MYH10: variants seen among roughly 807,000 people sequenced by gnomAD.
MYH10 encodes myosin-10.
In MYH10, 55 loss-of-function variants were observed where a neutral mutation model predicts 257.8. The observed-to-expected ratio is 0.21, with a 90% CI of 0.17 to 0.27. The LOEUF (loss-of-function observed/expected upper bound fraction) is 0.27. Ranked by LOEUF, MYH10 falls within the 10% of genes least tolerant of loss-of-function variation. The pLI is 1.00. For synonymous variants in MYH10, 854 were observed against 921.7 expected, an observed-to-expected ratio of 0.93 and a Z score of 1.33; for missense variants, 1,631 against 2,500.6, an observed-to-expected ratio of 0.65 and a Z score of 7.42.
intron 6 of MYH10, chr17:8,573,825 G>T: frequency 1.0e-6 from 1 of 974,140 alleles, no homozygotes; most frequent in Non-Finnish European, 1.2e-6. Context: ...TGAAAATGAA[G>T]ATGAAATTTA....
rs80073016 is a variant in MYH10 at position 8,496,636 on chromosome 17, T to G, written c.3952-1395A>C. Among the ~76,000 whole-genome samples, 294 of 152,318 alleles carry G rather than the reference T, an allele frequency of 1.9e-3. 5 individuals carry two copies. In the East Asian group the frequency reaches 0.04, roughly 21 times the overall value. Reference sequence around the variant, plus strand: ...GCCGTAGGCAGAGTTCATAATGCTGTTTCAGAGATTTTCTCTTTTAGGAAT... The same window carrying G: ...GCCGTAGGCAGAGTTCATAATGCTGGTTCAGAGATTTTCTCTTTTAGGAAT... On this transcript the variant is annotated intron_variant, in intron 30 of 42. Coordinates refer to ENST00000360416, the MANE Select transcript of MYH10 (RefSeq NM_001256012.3).
intron 21 of MYH10, among the ~76,000 whole-genome samples, chr17:8,515,494 T>C (rs1394509421): frequency 6.7e-6 from 1 of 150,068 alleles, no homozygotes; most frequent in Non-Finnish European, 1.5e-5. Flanking sequence ...TACAAAACCT[T>C]CTAACTTATT....
chr17:8,478,954 A>G (rs866385283), intron 40 of MYH10, among the ~76,000 whole-genome samples: 31 of 151,996 alleles, frequency 2.0e-4, no homozygotes, highest in African/African-American at 7.3e-4. Context: ...CTGGTCTCGA[A>G]CTCCTCACCT....
chr17:8,547,341 G>T (rs1597795973), intron 11 of MYH10, among the ~76,000 whole-genome samples: 1 of 151,976 alleles, frequency 6.6e-6, no homozygotes, highest in Non-Finnish European at 1.5e-5. Flanking sequence ...TTTAACCATG[G>T]AAAAGCCATA....
At chr17:8,476,645 TGTG>T (rs1912676887) in intron 42 of MYH10, among the ~76,000 whole-genome samples, 1 of 152,162 alleles carries the variant, frequency 6.6e-6, no homozygotes, top group Non-Finnish European at 1.5e-5. Flanking sequence ...TCCAGCCTGG[TGTG>T]GTGGATTAGT....
chr17:8,619,394 A>G (rs193146686), intron 2 of MYH10, among the ~76,000 whole-genome samples: 108 of 152,312 alleles, frequency 7.1e-4, no homozygotes, highest in Non-Finnish European at 1.2e-3. Flanking sequence ...AAATATCAAC[A>G]GTAAAAAGGG....
At chr17:8,493,301 G>A (rs972098614) in intron 32 of MYH10, among the ~76,000 whole-genome samples, 2 of 150,306 alleles carry the variant, frequency 1.3e-5, no homozygotes, top group Admixed American at 6.6e-5. Context: ...CTGAGATCAC[G>A]CCACTGCACT....
chr17:8,535,485 T>C lies in MYH10; in HGVS notation c.1796A>G (p.Asp599Gly). 1.2e-6 allele frequency: 2 copies of C among 1,613,814 alleles called. No individual in the cohort carries two copies. Among genetic ancestry groups the C allele is most frequent in the South Asian group, 1.1e-5 (1 of 91,028 alleles). Reference protein sequence around the residue: ...HYAGKVDYKADEWLMKNMDPL... With the variant: ...HYAGKVDYKAGEWLMKNMDPL... ...GTCCATATTCTTCATCAGCCACTCA[T>C]CTGCCTTATAGTCCACCTATCCCGC... Residue 599 changes from aspartate to glycine, a missense_variant, in exon 16 of 43, where the codon GAT (aspartate) becomes GGT (glycine). By Grantham distance (94) the Asp-to-Gly change is moderately conservative. Coordinates refer to ENST00000360416, the MANE Select transcript of MYH10 (RefSeq NM_001256012.3). This position sits in a 1 kb window ranked among gnomAD's most constrained non-coding sequence, Gnocchi z 4.3.
intron 14 of MYH10, among the ~76,000 whole-genome samples, chr17:8,540,013 A>C (rs116644431): frequency 2.4e-4 from 37 of 152,326 alleles, no homozygotes; most frequent in African/African-American, 8.2e-4. Context: ...GTTTGGAAAC[A>C]GGGTCTCACG....
intron 42 of MYH10, 152 bp downstream of exon 42, chr17:8,476,724 T>C (rs1912699418): frequency 4.5e-6 from 4 of 898,752 alleles, no homozygotes; most frequent in South Asian, 3.5e-5. Context: ...AGGACGACTA[T>C]AAAGGTCAGA....
In MYH10 at chr17:8,501,506, A is replaced by G. The variant is rs530407021; in HGVS notation, c.3600-536T>C. On this transcript the variant is annotated intron_variant, in intron 28 of 42. Transcript: ENST00000360416. ...AAAGGGAGTCTCCCAGAGATTTTCA[A>G]AAGTGAAGGGGTGACAAAGGCCAAA... Among the ~76,000 whole-genome samples the G allele has an allele frequency of 4.6e-5, 7 of 152,336 alleles. No individual in the cohort carries two copies. The East Asian group carries it at 1.2e-3, about 25-fold the overall frequency.
intron 4 of MYH10, among the ~76,000 whole-genome samples, chr17:8,587,542 T>C (rs2083955178): frequency 6.6e-6 from 1 of 152,142 alleles, no homozygotes; most frequent in Non-Finnish European, 1.5e-5. Flanking sequence ...CTTACCCGCA[T>C]TGGTACTCAT....
Position 8,553,740 on chromosome 17 carries a change from C to T in MYH10, c.820+215G>A, listed in dbSNP as rs192123148. Among the ~76,000 whole-genome samples the T allele has an allele frequency of 2.6e-5, 4 of 152,298 alleles. No homozygotes were observed. The East Asian group carries it at 7.7e-4, about 29-fold the overall frequency. On this transcript the variant is annotated intron_variant, in intron 8 of 42. Coordinates refer to ENST00000360416, the MANE Select transcript of MYH10 (RefSeq NM_001256012.3). ...AACACTGTGGCACTCTCCACTTCCCCAGCCATGTGAATAAGTTATGGCCTG... is the reference window on the plus strand; with the variant it reads ...AACACTGTGGCACTCTCCACTTCCCTAGCCATGTGAATAAGTTATGGCCTG...
rs768213445 is a variant in MYH10 at position 8,493,623 on chromosome 17, C to A, written c.4209+110G>T. The A allele has an allele frequency of 4.8e-6, 6 of 1,259,708 alleles. No homozygotes were observed. In the South Asian group the frequency reaches 6.5e-5, roughly 14 times the overall value. The allele number at this position is 1,259,708 out of a possible 1,614,324, so 78.0% of individuals were successfully genotyped here. ...ACCATTTAATGGGCTTAATTTAGTA[C>A]GACCTAATTAACTGTCCCAAATGGA... On this transcript the variant is annotated intron_variant, in intron 32 of 42. Coordinates refer to ENST00000360416, the MANE Select transcript of MYH10 (RefSeq NM_001256012.3).
chr17:8,569,358 G>A lies in MYH10; in HGVS notation c.756+362C>T, dbSNP rs1367294241. ...TTGAATGTTTACTATGCATAGTGCCGGGCTAAGTGCTCAGCGTGCACACCA... is the reference window on the plus strand; with the variant it reads ...TTGAATGTTTACTATGCATAGTGCCAGGCTAAGTGCTCAGCGTGCACACCA... On this transcript the variant is annotated intron_variant, in intron 7 of 42. Transcript: ENST00000360416. The surrounding 1 kb of genome is among the most constrained non-coding windows in gnomAD (Gnocchi z 4.1). Among the ~76,000 whole-genome samples, 2 of 152,114 alleles carry A rather than the reference G, an allele frequency of 1.3e-5. No individual in the cohort carries two copies. The highest frequency in any genetic ancestry group is 2.9e-5 in the Non-Finnish European group (2 of 68,018).
intron 14 of MYH10, among the ~76,000 whole-genome samples, chr17:8,536,813 A>G (rs528166669): frequency 1.3e-5 from 2 of 150,904 alleles, no homozygotes; most frequent in South Asian, 4.2e-4. Flanking sequence ...AAAAAAAAAA[A>G]GCGCTAGATG....
rs1328337648 is a variant in MYH10 at position 8,490,951 on chromosome 17, A to T, written c.4672-399T>A. Among the ~76,000 whole-genome samples the T allele has an allele frequency of 6.6e-6, 1 of 152,244 alleles. No homozygotes were observed. The highest frequency in any genetic ancestry group is 1.5e-5 in the Non-Finnish European group (1 of 68,030). On this transcript the variant is annotated intron_variant, in intron 34 of 42. Transcript: ENST00000360416. This position sits in a 1 kb window ranked among gnomAD's most constrained non-coding sequence, Gnocchi z 4.1. ...ATCTCTTCTTGCTGTAGAGAAGATC[A>T]TTCGTATTGAAAAGCACATGTGGAA...
intron 9 of MYH10, 129 bp from the exon 10 acceptor site, chr17:8,548,916 G>GC: frequency 1.5e-6 from 1 of 658,338 alleles, no homozygotes. Flanking sequence ...CCAGCAAAAT[G>GC]TTTTTTTTCT....
chr17:8,603,197 C>T (rs2084675536), intron 3 of MYH10, among the ~76,000 whole-genome samples: 1 of 152,184 alleles, frequency 6.6e-6, no homozygotes, highest in Admixed American at 6.5e-5. Context: ...ATCATTATCC[C>T]TCCCAGTTTC....
Sources: gnomAD v4.1 joint callset for allele counts (sites outside exome capture counted in the v4.1 genomes callset) on GRCh38, gnomAD v4.1.1 for gene constraint, Gnocchi (gnomAD v3.1) non-coding constraint, MANE v1.5 for transcripts, NCBI Gene and HGNC (gene_info 2026-07-23, HGNC 2026-07-21) for gene names.